ANTXR2: variants seen among roughly 807,000 people sequenced by gnomAD.
The protein encoded by ANTXR2 is ANTXR cell adhesion molecule 2.
ANTXR2 carries 44 observed loss-of-function variants against 73.7 expected under a neutral mutation model. The ratio of observed to expected loss-of-function variants is 0.60; its 90% CI spans 0.47 to 0.77. The LOEUF (loss-of-function observed/expected upper bound fraction) is 0.77. ANTXR2 is among the 30% of genes least tolerant of loss of function. The pLI, the probability that ANTXR2 is intolerant of heterozygous loss-of-function variation, is 0.00. For missense variants in ANTXR2, 604 were observed against 592.5 expected (o/e 1.02, Z -0.20); for synonymous variants, 217 against 205.9 (o/e 1.05, Z -0.46).
chr4:79,927,025 GTATATATGTGTGTA>G (rs1727836858), intron 16 of ANTXR2, among the ~76,000 whole-genome samples: 1 of 118,090 alleles, frequency 8.5e-6, no homozygotes, highest in African/African-American at 3.1e-5. Context: ...ATACATATGT[GTATATATGTGTGTA>G]TATATATGTG....
rs567523871 is a variant in ANTXR2, at chr4:80,029,077, T to C, written c.866+2546A>G. Among the ~76,000 whole-genome samples the C allele has an allele frequency of 7.9e-5, 12 of 152,262 alleles. No individual in the cohort carries two copies. The South Asian group carries it at 2.1e-3, about 26-fold the overall frequency. On this transcript the variant is annotated intron_variant, in intron 10 of 16. Transcript: ENST00000403729. ...TTAATGTCAAAATCTAAATGAATGA[T>C]GATTTCTCATGTCTGATATTTATTA... is the stretch of plus-strand genomic sequence containing the variant.
intron 14 of ANTXR2, among the ~76,000 whole-genome samples, chr4:79,980,941 A>C (rs1036347976): frequency 7.9e-6 from 1 of 126,848 alleles, no homozygotes; most frequent in Non-Finnish European, 1.9e-5. Context: ...AAAAAAAAAA[A>C]AGAGAAGTAC....
At chr4:79,929,690 T>C (rs540682606) in intron 16 of ANTXR2, among the ~76,000 whole-genome samples, 3 of 152,174 alleles carry the variant, frequency 2.0e-5, no homozygotes, top group African/African-American at 4.8e-5. Context: ...AGAACAATAC[T>C]GTTGTGATTC....
chr4:79,927,864 G>A (rs976365130), intron 16 of ANTXR2, among the ~76,000 whole-genome samples: 1 of 152,158 alleles, frequency 6.6e-6, no homozygotes, highest in Non-Finnish European at 1.5e-5. Flanking sequence ...AAAATAACAA[G>A]TGTTGGCAGG....
rs775514821 is a variant in ANTXR2, at chr4:79,978,036, G to A, written c.1318C>T (p.Pro440Ser). ...PPRPKPTHQPPQTKWYTPIKG... is the reference protein window; with the variant it reads ...PPRPKPTHQPSQTKWYTPIKG... Reference sequence around the variant, plus strand: ...ATTGGGGTGTACCATTTTGTCTGAGGAGGCTGGTGTGTGGGTTTGGGTCGA... The same window carrying A: ...ATTGGGGTGTACCATTTTGTCTGAGAAGGCTGGTGTGTGGGTTTGGGTCGA... Residue 440 changes from proline to serine, a missense_variant, in exon 15 of 17, where the codon CCT becomes TCT. By Grantham distance (74) the Pro-to-Ser change is moderately conservative (BLOSUM62 -1). Transcript: ENST00000403729. 6.2e-7 allele frequency: 1 copy of A among 1,605,458 alleles called. No homozygotes were observed. The highest frequency in any genetic ancestry group is 8.5e-7 in the Non-Finnish European group (1 of 1,177,370).
At chr4:80,000,036 G>A (rs936175621) in intron 12 of ANTXR2, among the ~76,000 whole-genome samples, 6 of 151,878 alleles carry the variant, frequency 4.0e-5, no homozygotes, top group African/African-American at 1.2e-4. Context: ...TGACAAAAAC[G>A]ATAAATTTCA....
chr4:80,069,312 A>C (rs1400059205), intron 3 of ANTXR2, 124 bp downstream of exon 3: 1 of 750,112 alleles, frequency 1.3e-6, no homozygotes, highest in Non-Finnish European at 2.3e-6. Flanking sequence ...TCTATTAGAG[A>C]ACTGAATTGT....
At chr4:80,050,067 G>C (rs1327850044) in intron 7 of ANTXR2, among the ~76,000 whole-genome samples, 1 of 151,586 alleles carries the variant, frequency 6.6e-6, no homozygotes, top group Non-Finnish European at 1.5e-5. Context: ...TAATCCCTAA[G>C]GAACTATGAT....
At chr4:80,066,778 A>C (rs979534999) in intron 3 of ANTXR2, among the ~76,000 whole-genome samples, 5 of 152,316 alleles carry the variant, frequency 3.3e-5, no homozygotes, top group South Asian at 2.1e-4. Flanking sequence ...AAAAAAGAAG[A>C]AGCATAAAGA....
In ANTXR2 at chr4:79,964,337, T is replaced by G. The variant is rs142153761; in HGVS notation, c.1428+13284A>C. Among the ~76,000 whole-genome samples the G allele has an allele frequency of 7.0e-4, 107 of 152,316 alleles. No individual in the cohort carries two copies. The East Asian group carries it at 0.02, about 28-fold the overall frequency. On this transcript the variant is annotated intron_variant, in intron 16 of 16. Coordinates refer to ENST00000403729, the MANE Select transcript of ANTXR2 (RefSeq NM_058172.6). ...AAAAAGGAGAACGCATGGTAATGCA[T>G]CATTTATAAATTACCTTGTTACTGC...
At chr4:80,018,331 T>G (rs1201642255) in intron 11 of ANTXR2, among the ~76,000 whole-genome samples, 1 of 152,220 alleles carries the variant, frequency 6.6e-6, no homozygotes, top group Non-Finnish European at 1.5e-5. Flanking sequence ...GTCTACTGAA[T>G]GGAGCTTATA....
chr4:80,003,152 G>T (rs1731133435), intron 12 of ANTXR2, among the ~76,000 whole-genome samples: 2 of 152,026 alleles, frequency 1.3e-5, no homozygotes, highest in Admixed American at 1.3e-4. Context: ...CAAAGACTTG[G>T]AACCAACGCA....
At chr4:80,055,615 T>G in intron 4 of ANTXR2, 148 bp from the exon 5 acceptor site, 1 of 695,426 alleles carries the variant, frequency 1.4e-6, no homozygotes, top group Non-Finnish European at 2.4e-6. Context: ...CTATTTTATT[T>G]GAAATATGCA....
chr4:79,945,873 C>T (rs138126899), intron 16 of ANTXR2, among the ~76,000 whole-genome samples: 2 of 151,996 alleles, frequency 1.3e-5, no homozygotes, highest in East Asian at 3.9e-4. Context: ...AATAATGGTC[C>T]TAAATTTTTT....
chr4:79,923,494 T>A (rs1328419385), intron 16 of ANTXR2, among the ~76,000 whole-genome samples: 2 of 152,130 alleles, frequency 1.3e-5, no homozygotes, highest in Admixed American at 6.6e-5. Context: ...AGGAAACAAG[T>A]AGGCATCGGA....
At chr4:80,026,250 G>A (rs1381827373) in intron 10 of ANTXR2, among the ~76,000 whole-genome samples, 1 of 152,088 alleles carries the variant, frequency 6.6e-6, no homozygotes, top group African/African-American at 2.4e-5. Flanking sequence ...AGATCTGATG[G>A]TTTTAAAAGT....
intron 12 of ANTXR2, among the ~76,000 whole-genome samples, chr4:79,996,318 T>TGGATGGATGG (rs1730723188): frequency 6.7e-6 from 1 of 148,760 alleles, no homozygotes; most frequent in Non-Finnish European, 1.5e-5. Context: ...CGGATGGATA[T>TGGATGGATGG]ATGGATGGAT....
At chr4:80,065,037 A>G (rs1313915126) in intron 3 of ANTXR2, among the ~76,000 whole-genome samples, 1 of 152,188 alleles carries the variant, frequency 6.6e-6, no homozygotes, top group African/African-American at 2.4e-5. Context: ...TCATTTGTAA[A>G]GTCGAGGTAA....
intron 7 of ANTXR2, 22 bp downstream of exon 7, chr4:80,054,250 C>A: frequency 6.4e-7 from 1 of 1,561,492 alleles, no homozygotes; most frequent in Non-Finnish European, 8.8e-7. Context: ...TGAGCCCTTC[C>A]TGCCCCCAGA....
Sources: gnomAD v4.1 joint callset for allele counts (sites outside exome capture counted in the v4.1 genomes callset) on GRCh38, gnomAD v4.1.1 for gene constraint, MANE v1.5 for transcripts, NCBI Gene and HGNC (gene_info 2026-07-23, HGNC 2026-07-21) for gene names.